KDM2B: variants seen among roughly 807,000 people sequenced by gnomAD.
KDM2B encodes lysine demethylase 2B.
KDM2B carries 26 observed loss-of-function variants against 150.0 expected under a neutral mutation model. The observed-to-expected ratio is 0.17, with a 90% CI of 0.13 to 0.24. The LOEUF is 0.24. Ranked by LOEUF, KDM2B falls within the 10% of genes least tolerant of loss-of-function variation. KDM2B has a pLI of 1.00. For synonymous variants in KDM2B, 734 were observed against 729.5 expected (o/e 1.01, Z -0.10); for missense variants, 1,265 against 1,816.9 (o/e 0.70, Z 5.52).
intron 6 of KDM2B, among the ~76,000 whole-genome samples, chr12:121,546,561 T>C (rs1251065920): frequency 6.9e-6 from 1 of 144,996 alleles, no homozygotes; most frequent in African/African-American, 2.6e-5. Flanking sequence ...TTTTTTTTGG[T>C]TTTTTTTTTT....
chr12:121,444,840 T>A (rs1382284513), intron 14 of KDM2B: 2 of 492,858 alleles, frequency 4.1e-6, no homozygotes, highest in African/African-American at 1.9e-5. Flanking sequence ...TGGGGGGGTA[T>A]GACCCAGGTA....
chr12:121,480,441 A>G (rs2140000389), intron 12 of KDM2B, among the ~76,000 whole-genome samples: 1 of 152,114 alleles, frequency 6.6e-6, no homozygotes, highest in East Asian at 2.0e-4. Context: ...CTGTATTAAA[A>G]GAGAGAATTA....
chr12:121,553,979 C>T (rs1174886151), intron 4 of KDM2B, among the ~76,000 whole-genome samples: 1 of 151,074 alleles, frequency 6.6e-6, no homozygotes, highest in Non-Finnish European at 1.5e-5. Context: ...CTGGAAGGAG[C>T]GCTGGGCCCT....
At chr12:121,440,552 A>C in intron 21 of KDM2B, 1 of 469,358 alleles carries the variant, frequency 2.1e-6, no homozygotes, top group South Asian at 3.0e-5. Flanking sequence ...ATAAGAAAGC[A>C]GTGAGACACA....
chr12:121,560,888 C>G (rs1890291533), intron 4 of KDM2B, among the ~76,000 whole-genome samples: 1 of 152,158 alleles, frequency 6.6e-6, no homozygotes, highest in Non-Finnish European at 1.5e-5. Context: ...GCAGCCATCC[C>G]TAGAGCAGCT....
At chr12:121,423,838 G>T in the KDM2B span, 1 of 406,030 alleles carries the variant, frequency 2.5e-6, no homozygotes, top group Non-Finnish European at 4.5e-6. The surrounding 1 kb of genome is among the most constrained non-coding windows in gnomAD (Gnocchi z 4.3). Flanking sequence ...AAGTCAGCCT[G>T]TTTGCGCCAT....
rs1052863652 is a variant in KDM2B, at chr12:121,452,476, C to A, written c.1959+644G>T. 1.3e-5 allele frequency among the ~76,000 whole-genome samples: 2 copies of A among 152,190 alleles called. No individual in the cohort carries two copies. The highest frequency in any genetic ancestry group is 2.1e-4 in the South Asian group (1 of 4,832). ...AGCCGAGCCTGCTTTTCCACGGGGACTGGGAGATGACTCCTCCACAGGGAG... is the reference window on the plus strand; with the variant it reads ...AGCCGAGCCTGCTTTTCCACGGGGAATGGGAGATGACTCCTCCACAGGGAG... On this transcript the variant is annotated intron_variant, in intron 13 of 22. Transcript: ENST00000377071. This position sits in a 1 kb window ranked among gnomAD's most constrained non-coding sequence, Gnocchi z 4.4.
At chr12:121,419,085 CTAA>C in the KDM2B span, among the ~76,000 whole-genome samples, 1,039 of 152,286 alleles carry the variant, frequency 6.8e-3, 16 homozygotes, top group African/African-American at 0.024. Context: ...CCTGTGTCCT[CTAA>C]TAATGTTTTG....
chr12:121,428,510 T>C (rs570807755), downstream of KDM2B, among the ~76,000 whole-genome samples: 1 of 152,160 alleles, frequency 6.6e-6, no homozygotes, highest in African/African-American at 2.4e-5. Flanking sequence ...ATAGTAAAAA[T>C]AAAAGGGACA....
intron 22 of KDM2B, among the ~76,000 whole-genome samples, chr12:121,438,903 A>G (rs1163784088): frequency 1.3e-5 from 2 of 151,930 alleles, no homozygotes; most frequent in Non-Finnish European, 2.9e-5. Context: ...ACACCCCCCA[A>G]TCCAGACCAT....
chr12:121,413,037 T>A, the KDM2B span, among the ~76,000 whole-genome samples: 2 of 146,566 alleles, frequency 1.4e-5, no homozygotes, highest in East Asian at 4.1e-4. Flanking sequence ...TTTTCCTTCC[T>A]CTTTTCGAGG....
rs1193718041 is a variant in KDM2B, at chr12:121,509,819, G to A, written c.1395C>T (p.Ala465=). The A allele has an allele frequency of 4.3e-6, 7 of 1,613,966 alleles. No homozygotes were observed. Among genetic ancestry groups the A allele is most frequent in the Non-Finnish European group, 5.9e-6 (7 of 1,180,038 alleles). ...ACAAAGTCCTTTTGAGGAATCGCAGGGCAGGTGCTTTGGGCTTCTTCCCGA... is the reference window on the plus strand; with the variant it reads ...ACAAAGTCCTTTTGAGGAATCGCAGAGCAGGTGCTTTGGGCTTCTTCCCGA... ...EALGKKPKAP[A]LRFLKRTLSN... The change falls in exon 11 of 23, where the codon GCC becomes GCT. Residue 465 remains alanine (A), a synonymous_variant. Transcript: ENST00000377071.
In KDM2B at chr12:121,516,474, G is replaced by T. The variant is rs570861232; in HGVS notation, c.1048-3072C>A. On this transcript the variant is annotated intron_variant, in intron 9 of 22. Transcript: ENST00000377071. ...TTTGCAAAGAATTGACTTACAAACA[G>T]GTTGTCGCCTTCCACCCTTCGCCTT... 2.6e-5 allele frequency: 35 copies of T among 1,346,850 alleles called. No individual in the cohort carries two copies. The African/African-American group carries it at 3.5e-4, about 14-fold the overall frequency. 83.4% of individuals were successfully genotyped at this position (1,346,850 alleles called of 1,614,324 possible). A position where few individuals can be genotyped will look rare whatever the true frequency, so the allele number is the denominator to read the frequency against.
At chr12:121,409,855 G>A in the KDM2B span, 1 of 152,170 alleles carries the variant, frequency 6.6e-6, no homozygotes, top group South Asian at 2.1e-4. Flanking sequence ...TAAAATGAAT[G>A]TAAAGAAATT....
intron 13 of KDM2B, among the ~76,000 whole-genome samples, chr12:121,451,456 A>G (rs1181378178): frequency 7.2e-5 from 11 of 152,012 alleles, no homozygotes; most frequent in African/African-American, 2.4e-4. Flanking sequence ...CAGAGGTCAG[A>G]TGGTGCCCCA....
chr12:121,416,145 G>A, the KDM2B span: 1 of 1,609,976 alleles, frequency 6.2e-7, no homozygotes, highest in Non-Finnish European at 8.5e-7. Context: ...TGTGGGATTT[G>A]TGTTCCTTTT....
At chr12:121,544,181 T>G (rs956129367) in intron 6 of KDM2B, among the ~76,000 whole-genome samples, 1 of 148,576 alleles carries the variant, frequency 6.7e-6, no homozygotes, top group African/African-American at 2.5e-5. Flanking sequence ...GAGGCTGATG[T>G]AGGAGGATCA....
At chr12:121,506,383 T>A (rs570385480) in intron 11 of KDM2B, among the ~76,000 whole-genome samples, 6 of 152,138 alleles carry the variant, frequency 3.9e-5, no homozygotes, top group African/African-American at 1.4e-4. Context: ...GAAGAGGTGA[T>A]GGCACCCACG....
the KDM2B span, among the ~76,000 whole-genome samples, chr12:121,413,537 G>A: frequency 3.8e-4 from 56 of 147,070 alleles, no homozygotes; most frequent in African/African-American, 1.2e-3. Context: ...TCAGCCTCCC[G>A]AGTAGCTGGG....
Sources: gnomAD v4.1 joint callset for allele counts (sites outside exome capture counted in the v4.1 genomes callset) on GRCh38, gnomAD v4.1.1 for gene constraint, Gnocchi (gnomAD v3.1) non-coding constraint, MANE v1.5 for transcripts, NCBI Gene and HGNC (gene_info 2026-07-23, HGNC 2026-07-21) for gene names.